The following MPRIP variants were observed in gnomAD, a reference collection of about 807,000 sequenced individuals.
MPRIP encodes myosin phosphatase Rho-interacting protein.
Under a neutral mutation model 234.9 loss-of-function variants are expected in MPRIP, and 59 were observed. The observed-to-expected ratio is 0.25, with a 90% CI of 0.20 to 0.31. The LOEUF (loss-of-function observed/expected upper bound fraction) is 0.31, where lower values mean the gene tolerates loss of function less well. Ranked by LOEUF, MPRIP falls within the 10% of genes least tolerant of loss-of-function variation. The probability of loss-of-function intolerance (pLI) is 1.00; values close to 1 mark genes in which losing one functional copy is unlikely to be tolerated. For missense variants in MPRIP, 2,436 were observed against 3,071.0 expected, an observed-to-expected ratio of 0.79 and a Z score of 4.89; for synonymous variants, 1,144 against 1,263.9, an observed-to-expected ratio of 0.91 and a Z score of 2.01.
At chr17:17,163,502 C>T (rs1021306396) in intron 15 of MPRIP, among the ~76,000 whole-genome samples, 1 of 152,264 alleles carries the variant, frequency 6.6e-6, no homozygotes, top group South Asian at 2.1e-4. Context: ...CCGTTCCCCC[C>T]TCGTTTTGAC....
chr17:17,103,260 T>C (rs973187808), intron 3 of MPRIP, among the ~76,000 whole-genome samples: 8 of 152,164 alleles, frequency 5.3e-5, no homozygotes, highest in Non-Finnish European at 5.9e-5. Flanking sequence ...AAAGCATTGG[T>C]GACGTGTGGA....
At chr17:17,066,620 A>G (rs2089031258) in intron 1 of MPRIP, among the ~76,000 whole-genome samples, 1 of 151,536 alleles carries the variant, frequency 6.6e-6, no homozygotes, top group South Asian at 2.1e-4. Flanking sequence ...GATTCCTCAA[A>G]CCACGGATAG....
At chr17:17,159,631 GATGTTCTTTCATGGAA>G (rs2045819019) in intron 14 of MPRIP, among the ~76,000 whole-genome samples, 2 of 152,232 alleles carry the variant, frequency 1.3e-5, no homozygotes, top group Non-Finnish European at 2.9e-5. Context: ...TATAAAATAA[GATGTTCTTTCATGGAA>G]ATGTATGCAG....
intron 12 of MPRIP, among the ~76,000 whole-genome samples, chr17:17,151,393 G>A (rs2045599313): frequency 6.6e-6 from 1 of 152,152 alleles, no homozygotes; most frequent in Non-Finnish European, 1.5e-5. Context: ...TGCATCCTTG[G>A]GGACACGGTG....
intron 3 of MPRIP, among the ~76,000 whole-genome samples, chr17:17,082,317 C>T (rs189323665): frequency 2.7e-5 from 2 of 75,256 alleles, no homozygotes; most frequent in South Asian, 4.3e-4. Flanking sequence ...TTTTTTGAGA[C>T]GGAGTTTCGC....
chr17:17,136,777 A>G (rs932631761), intron 6 of MPRIP, among the ~76,000 whole-genome samples: 1 of 152,150 alleles, frequency 6.6e-6, no homozygotes, highest in African/African-American at 2.4e-5. Context: ...TCACTGCACC[A>G]TCGTGTTTCT....
chr17:17,161,525 G>C (rs189761019), intron 15 of MPRIP, among the ~76,000 whole-genome samples, 169 bp downstream of exon 15: 161 of 152,306 alleles, frequency 1.1e-3, no homozygotes, highest in Middle Eastern at 3.4e-3. Flanking sequence ...AATGTGCTTG[G>C]GGGGGTCTGT....
At chr17:17,160,013 T>C (rs1433819347) in intron 14 of MPRIP, among the ~76,000 whole-genome samples, 2 of 152,184 alleles carry the variant, frequency 1.3e-5, no homozygotes, top group East Asian at 1.9e-4. Flanking sequence ...GCTACCAAAA[T>C]GGGCCAGCCA....
chr17:17,172,771 C>G lies in MPRIP; in HGVS notation c.6546C>G (p.Ile2182Met), dbSNP rs769738197. The G allele has an allele frequency of 7.8e-5, 126 of 1,612,458 alleles. No homozygotes were observed. Among genetic ancestry groups the G allele is most frequent in the Non-Finnish European group, 1.0e-4 (121 of 1,180,016 alleles). ...TGGAGAAGAGCCAGCGGTCCCAGAT[C>G]AGCAGCGTCAACTCGGATGTTGAGG... is the stretch of plus-strand genomic sequence containing the variant. The part of the protein sequence containing the change: ...RELEKSQRSQ[I>M]SSVNSDVEAL... The change falls in exon 18 of 24, where the codon ATC (isoleucine) becomes ATG (methionine). Residue 2182 changes from isoleucine (I) to methionine (M), a missense_variant. Around this residue, in one of 4 missense-constraint regions of MPRIP, gnomAD observed 1,998 missense variants for 2,520.3 expected, o/e 0.79. Transcript: ENST00000651222.
chr17:17,170,039 CAAAG>C (rs1334895007), intron 16 of MPRIP: 2 of 142,816 alleles, frequency 1.4e-5, no homozygotes, highest in African/African-American at 5.2e-5. Flanking sequence ...CAAGTAGACT[CAAAG>C]AAAAAAAAAA....
intron 16 of MPRIP, chr17:17,168,349 C>T: frequency 4.2e-6 from 1 of 237,530 alleles, no homozygotes. Flanking sequence ...CAGCAACACC[C>T]CGGAGAGCCA....
intron 13 of MPRIP, among the ~76,000 whole-genome samples, chr17:17,156,477 T>G (rs1332576535): frequency 6.6e-6 from 1 of 152,258 alleles, no homozygotes; most frequent in Non-Finnish European, 1.5e-5. Context: ...TGTGAGTTTT[T>G]TAGTGCTGCC....
chr17:17,056,968 T>TG (rs754710143), intron 1 of MPRIP, among the ~76,000 whole-genome samples: 4 of 152,266 alleles, frequency 2.6e-5, no homozygotes, highest in Non-Finnish European at 5.9e-5. Context: ...ATTCCTTGTA[T>TG]GGATGGTAGA....
At chr17:17,117,798 C>G (rs1315732340) in intron 3 of MPRIP, among the ~76,000 whole-genome samples, 1 of 152,216 alleles carries the variant, frequency 6.6e-6, no homozygotes, top group Non-Finnish European at 1.5e-5. Flanking sequence ...TCCACAATAG[C>G]TACACCACTT....
intron 4 of MPRIP, 68 bp downstream of exon 4, chr17:17,126,921 C>G: frequency 1.3e-6 from 2 of 1,561,562 alleles, no homozygotes; most frequent in Non-Finnish European, 1.7e-6. Flanking sequence ...GATGGGCCGC[C>G]TGCCCCTGTG....
Position 17,164,928 on chromosome 17 carries a change from C to A in MPRIP, c.3337C>A (p.Arg1113=). Residue 1113 remains arginine, a synonymous_variant, in exon 16 of 24, where the codon CGG becomes AGG. Transcript: ENST00000651222. The part of the protein sequence containing the change: ...LCDERDLLRQ[R]FQELTERVAT... The stretch of plus-strand genomic sequence containing the variant: ...TGACGAGCGGGACCTCCTCAGACAG[C>A]GGTTCCAGGAGCTGACAGAGCGCGT... 1 of 1,303,754 alleles carries A rather than the reference C, an allele frequency of 7.7e-7. No individual in the cohort carries two copies. Among genetic ancestry groups the A allele is most frequent in the Non-Finnish European group, 1.0e-6 (1 of 988,722 alleles). The allele number at this position is 1,303,754 out of a possible 1,614,324, so 80.8% of individuals were successfully genotyped here.
chr17:17,180,746 T>G, intron 23 of MPRIP: 1 of 1,407,214 alleles, frequency 7.1e-7, no homozygotes, highest in Non-Finnish European at 1.0e-6. Context: ...TTACTTTATT[T>G]CAATTCATCC....
rs1219211956 is a variant in MPRIP at position 17,164,333 on chromosome 17, C to T, written c.2742C>T (p.Ala914=). The part of the protein sequence containing the change: ...ARLSNAAAEL[A]IKEQALAKLK... ...TCAGCAATGCGGCCGCTGAGCTAGC[C>T]ATCAAGGAGCAGGCGCTGGCCAAGC... The change falls in exon 16 of 24, where the codon GCC becomes GCT. Residue 914 remains alanine, a synonymous_variant. Transcript: ENST00000651222. 1 of 1,302,994 alleles carries T rather than the reference C, an allele frequency of 7.7e-7. No homozygotes were observed. The highest frequency in any genetic ancestry group is 5.5e-5 in the East Asian group (1 of 18,034). The allele number at this position is 1,302,994 out of a possible 1,614,324, so 80.7% of individuals were successfully genotyped here.
At chr17:17,061,909 C>T (rs2088878704) in intron 1 of MPRIP, among the ~76,000 whole-genome samples, 2 of 152,050 alleles carry the variant, frequency 1.3e-5, no homozygotes, top group Admixed American at 1.3e-4. Flanking sequence ...GGTGTATGTT[C>T]CTGACCTTGA....
Sources: allele counts gnomAD v4.1 joint callset (sites outside exome capture counted in the v4.1 genomes callset), GRCh38; gene constraint gnomAD v4.1.1; regional missense constraint gnomAD v4.1.1; transcripts MANE v1.5; gene names NCBI Gene and HGNC (gene_info 2026-07-23, HGNC 2026-07-21).